Variants in TNNI3K observed in about 807,000 individuals in gnomAD.
TNNI3K encodes serine/threonine-protein kinase TNNI3K.
TNNI3K carries 140 observed loss-of-function variants against 114.5 expected under a neutral mutation model. The observed-to-expected ratio is 1.22, with a 90% CI of 1.07 to 1.41. The LOEUF (loss-of-function observed/expected upper bound fraction) is 1.41, where lower values mean the gene tolerates loss of function less well. Among genes scored for constraint, TNNI3K ranks in the 40% most tolerant of loss-of-function variants. The pLI is 0.00. For missense variants in TNNI3K, 1,125 were observed against 1,007.6 expected, an observed-to-expected ratio of 1.12 and a Z score of -1.58; for synonymous variants, 347 against 347.5, an observed-to-expected ratio of 1.00 and a Z score of 0.02.
At chr1:74,516,666 G>A (rs149526179) in intron 23 of TNNI3K, among the ~76,000 whole-genome samples, 17 of 152,248 alleles carry the variant, frequency 1.1e-4, no homozygotes, top group African/African-American at 3.6e-4. Flanking sequence ...GGTCAGCCAC[G>A]TTTAAAAAGA....
intron 17 of TNNI3K, among the ~76,000 whole-genome samples, chr1:74,378,331 T>C (rs1663010879): frequency 6.6e-6 from 1 of 151,822 alleles, no homozygotes; most frequent in African/African-American, 2.4e-5. Flanking sequence ...TAGGGTAGTT[T>C]ATCTGCTGTA....
intron 6 of TNNI3K, 115 bp downstream of exon 6, chr1:74,331,663 A>G (rs903678291): frequency 1.9e-4 from 181 of 961,340 alleles, no homozygotes; most frequent in Non-Finnish European, 2.5e-4. Flanking sequence ...TATTTTTGCC[A>G]TATTCTCATC....
At chr1:74,308,780 G>A (rs572286814) in intron 5 of TNNI3K, among the ~76,000 whole-genome samples, 2 of 152,200 alleles carry the variant, frequency 1.3e-5, no homozygotes, top group South Asian at 4.1e-4. Context: ...GAAAAAAAGA[G>A]AGAAGACTCA....
At chr1:74,371,836 C>T (rs1662624403) in intron 17 of TNNI3K, 2 of 151,664 alleles carry the variant, frequency 1.3e-5, no homozygotes, top group South Asian at 4.2e-4. Flanking sequence ...ATGAATCCAG[C>T]ATCTGGTAAA....
chr1:74,291,035 A>T (rs1192613376), intron 5 of TNNI3K, among the ~76,000 whole-genome samples: 1 of 151,690 alleles, frequency 6.6e-6, no homozygotes, highest in Non-Finnish European at 1.5e-5. Flanking sequence ...CTGTTTAAGG[A>T]GTAATTGTTA....
chr1:74,488,344 A>G (rs1339897613), intron 21 of TNNI3K, among the ~76,000 whole-genome samples: 1 of 152,154 alleles, frequency 6.6e-6, no homozygotes, highest in Non-Finnish European at 1.5e-5. Context: ...CAGTGTTCTC[A>G]GGGGTGGGCT....
intron 20 of TNNI3K, among the ~76,000 whole-genome samples, chr1:74,459,035 T>C (rs1667340504): frequency 6.6e-6 from 1 of 152,174 alleles, no homozygotes; most frequent in Non-Finnish European, 1.5e-5. Flanking sequence ...CTGCATTAAT[T>C]CCCCTTGGAT....
chr1:74,442,144 G>A (rs755928005), intron 20 of TNNI3K, among the ~76,000 whole-genome samples: 5 of 151,792 alleles, frequency 3.3e-5, no homozygotes, highest in Non-Finnish European at 7.4e-5. Flanking sequence ...AGTTTGGGTT[G>A]AATTTGGTAT....
intron 22 of TNNI3K, among the ~76,000 whole-genome samples, chr1:74,490,918 G>A (rs1362172717): frequency 1.3e-5 from 2 of 152,156 alleles, no homozygotes; most frequent in Non-Finnish European, 2.9e-5. Flanking sequence ...TCAAATGGTG[G>A]AGACCTGGCT....
chr1:74,237,477 A>G (rs542124852), intron 2 of TNNI3K, among the ~76,000 whole-genome samples: 1 of 152,144 alleles, frequency 6.6e-6, no homozygotes, highest in East Asian at 1.9e-4. Context: ...GATTTTCCTC[A>G]ACTTTTAAAG....
At chr1:74,385,725 T>C (rs17095242) in intron 17 of TNNI3K, among the ~76,000 whole-genome samples, 2,423 of 152,290 alleles carry the variant, frequency 0.016, 65 homozygotes, top group African/African-American at 0.056. Flanking sequence ...CCATAAACAC[T>C]GACAGGAATG....
intron 17 of TNNI3K, among the ~76,000 whole-genome samples, chr1:74,387,615 G>A (rs948156824): frequency 6.6e-6 from 1 of 152,150 alleles, no homozygotes; most frequent in African/African-American, 2.4e-5. Flanking sequence ...ACAGAGATTA[G>A]GAATCAAGAT....
intron 4 of TNNI3K, among the ~76,000 whole-genome samples, chr1:74,256,283 C>CTTTTTTTTTTTTTTTTTTTTTTT (rs61636791): frequency 2.3e-5 from 1 of 42,780 alleles, no homozygotes; most frequent in Non-Finnish European, 5.0e-5. Flanking sequence ...TGTGGTCAGT[C>CTTTTTTTTTTTTTTTTTTTTTTT]TTTTTTTTTT....
At chr1:74,331,028 A>G (rs1158560584) in intron 5 of TNNI3K, among the ~76,000 whole-genome samples, 20 of 152,290 alleles carry the variant, frequency 1.3e-4, no homozygotes, top group Admixed American at 1.3e-3. Context: ...GCAGATGGCA[A>G]TGAAGGGAGG....
chr1:74,467,424 T>C (rs1178562747), intron 21 of TNNI3K, among the ~76,000 whole-genome samples: 1 of 151,892 alleles, frequency 6.6e-6, no homozygotes, highest in Admixed American at 6.6e-5. Context: ...TCAAAACTCA[T>C]AAACTAGAAC....
At chr1:74,300,320 T>C (rs943125488) in intron 5 of TNNI3K, among the ~76,000 whole-genome samples, 1 of 152,206 alleles carries the variant, frequency 6.6e-6, no homozygotes, top group Non-Finnish European at 1.5e-5. Context: ...TAGTCATATA[T>C]TTTACAGTCT....
At chr1:74,422,761 CA>C (rs150800698) in intron 17 of TNNI3K, among the ~76,000 whole-genome samples, 14 of 150,236 alleles carry the variant, frequency 9.3e-5, no homozygotes, top group African/African-American at 2.9e-4. Flanking sequence ...TAAATCAAGA[CA>C]AAAAAAAACC....
rs1656400995 is a variant in TNNI3K at position 74,272,321 on chromosome 1, TTAG to T, written c.444+618_444+620del. Among the ~76,000 whole-genome samples, 5 of 151,982 alleles carry T rather than the reference TTAG, an allele frequency of 3.3e-5. No individual in the cohort carries two copies. The South Asian group carries it at 1.0e-3, about 32-fold the overall frequency. ...ACAAGAAAATATTACATAATTTTAA[TTAG>T]TAGTGAGTACCATAAAAATAATAAA... On this transcript the variant is annotated intron_variant, in intron 5 of 24. Coordinates refer to ENST00000326637, the MANE Select transcript of TNNI3K (RefSeq NM_015978.3).
chr1:74,433,637 A>G (rs1665992298), intron 17 of TNNI3K, among the ~76,000 whole-genome samples: 1 of 151,938 alleles, frequency 6.6e-6, no homozygotes, highest in South Asian at 2.1e-4. Context: ...ATGAACTCTC[A>G]TTGTCCTGTG....
Sources: gnomAD v4.1 joint callset for allele counts (sites outside exome capture counted in the v4.1 genomes callset) on GRCh38, gnomAD v4.1.1 for gene constraint, MANE v1.5 for transcripts, NCBI Gene and HGNC (gene_info 2026-07-23, HGNC 2026-07-21) for gene names.